KCNMA1: variants seen among roughly 807,000 people sequenced by gnomAD.
KCNMA1 encodes the protein Calcium-activated potassium channel subunit alpha-1.
Under a neutral mutation model 140.0 loss-of-function variants are expected in KCNMA1, and 29 were observed. The observed-to-expected ratio is 0.21, with a 90% CI of 0.15 to 0.28. The LOEUF (loss-of-function observed/expected upper bound fraction) is 0.28, where lower values mean the gene tolerates loss of function less well. Among genes scored for constraint, KCNMA1 ranks in the 10% least tolerant of loss-of-function variants. The pLI is 1.00. For missense variants in KCNMA1, 880 were observed against 1,602.2 expected (o/e 0.55, Z 7.70); for synonymous variants, 612 against 611.9 (o/e 1.00, Z 0.00).
intron 1 of KCNMA1, among the ~76,000 whole-genome samples, chr10:77,570,978 T>C (rs922546549): frequency 3.3e-5 from 5 of 152,102 alleles, no homozygotes; most frequent in African/African-American, 9.7e-5. Flanking sequence ...AGAATTGCTA[T>C]CTTAATGTTG....
intron 2 of KCNMA1, among the ~76,000 whole-genome samples, chr10:77,263,200 T>C (rs1404852780): frequency 6.6e-6 from 1 of 152,086 alleles, no homozygotes; most frequent in African/African-American, 2.4e-5. Context: ...TCTTACCCCC[T>C]AGGATGCTGG....
At chr10:77,617,014 T>C (rs1371560679) in intron 1 of KCNMA1, among the ~76,000 whole-genome samples, 1 of 152,174 alleles carries the variant, frequency 6.6e-6, no homozygotes, top group African/African-American at 2.4e-5. Flanking sequence ...CACTGAACTA[T>C]CTAGAATGAG....
At chr10:77,520,209 G>A (rs1253466787) in intron 1 of KCNMA1, among the ~76,000 whole-genome samples, 1 of 151,838 alleles carries the variant, frequency 6.6e-6, no homozygotes, top group African/African-American at 2.4e-5. Context: ...TGCAGTGTGA[G>A]GTCTGGGGTA....
intron 2 of KCNMA1, among the ~76,000 whole-genome samples, chr10:77,365,955 G>A (rs1246330698): frequency 6.6e-6 from 1 of 152,120 alleles, no homozygotes; most frequent in Admixed American, 6.5e-5. Context: ...CCACACAAAT[G>A]TAGGAAATCC....
chr10:77,249,600 AG>A (rs1428047119), intron 3 of KCNMA1: 1 of 152,222 alleles, frequency 6.6e-6, no homozygotes, highest in Non-Finnish European at 1.5e-5. Flanking sequence ...GGGACATACA[AG>A]CTTCAAGCCC....
chr10:77,580,625 T>C (rs1284024047), intron 1 of KCNMA1, among the ~76,000 whole-genome samples: 2 of 152,166 alleles, frequency 1.3e-5, no homozygotes, highest in African/African-American at 2.4e-5. Flanking sequence ...TCTGGATCCA[T>C]GTGGCCTGTG....
At chr10:77,472,533 C>T (rs985271099) in intron 1 of KCNMA1, among the ~76,000 whole-genome samples, 13 of 151,988 alleles carry the variant, frequency 8.6e-5, no homozygotes, top group Admixed American at 7.9e-4. Context: ...CTGTTTATTT[C>T]CTTGCTTTAA....
chr10:76,922,832 TACA>T (rs1175379626), intron 23 of KCNMA1, among the ~76,000 whole-genome samples: 2 of 152,202 alleles, frequency 1.3e-5, no homozygotes, highest in Non-Finnish European at 2.9e-5. Flanking sequence ...TCCCAACTAG[TACA>T]ACAACTGAGA....
chr10:77,600,378 C>T (rs572509509), intron 1 of KCNMA1, among the ~76,000 whole-genome samples: 1 of 152,302 alleles, frequency 6.6e-6, no homozygotes, highest in East Asian at 1.9e-4. Flanking sequence ...ACATTCCAAG[C>T]ACCTGACATA....
chr10:77,275,024 G>A (rs1183152928), intron 2 of KCNMA1, among the ~76,000 whole-genome samples: 1 of 152,190 alleles, frequency 6.6e-6, no homozygotes, highest in Non-Finnish European at 1.5e-5. Flanking sequence ...AAAGTCCCAG[G>A]CAGATGTGTG....
chr10:76,882,137 C>T (rs1162595194), downstream of KCNMA1, among the ~76,000 whole-genome samples: 1 of 152,212 alleles, frequency 6.6e-6, no homozygotes, highest in Non-Finnish European at 1.5e-5. Context: ...GAGGAAGAAA[C>T]AGGCTGCACT....
intron 1 of KCNMA1, 97 bp downstream of exon 1, chr10:77,637,168 G>A: frequency 7.8e-7 from 1 of 1,280,084 alleles, no homozygotes; most frequent in Non-Finnish European, 1.1e-6. Flanking sequence ...GGGATGGAGG[G>A]AGGCACGGCG....
At chr10:77,260,088 C>A (rs893029664) in intron 2 of KCNMA1, among the ~76,000 whole-genome samples, 4 of 152,106 alleles carry the variant, frequency 2.6e-5, no homozygotes, top group Non-Finnish European at 5.9e-5. Context: ...GATGCAGTTC[C>A]AGGTAATGGC....
chr10:76,978,632 A>T (rs955393750), intron 19 of KCNMA1: 4 of 152,222 alleles, frequency 2.6e-5, no homozygotes, highest in African/African-American at 9.6e-5. Context: ...AATGGAATTT[A>T]TGGAGCCTGT....
chr10:77,084,152 T>C lies in KCNMA1; in HGVS notation c.1523+485A>G, dbSNP rs560907386. Among the ~76,000 whole-genome samples, 432 of 152,218 alleles carry C rather than the reference T, an allele frequency of 2.8e-3. 3 individuals are homozygous for C. Among genetic ancestry groups the C allele is most frequent in the African/African-American group, 0.01 (422 of 41,518 alleles). ...ATTCTCTGTTTTGGGGGCTGACCTG[T>C]GCATTGCAGGGTCGTTCGCAGTGTC... On this transcript the variant is annotated intron_variant, in intron 12 of 27. Transcript: ENST00000286628.
At chr10:76,954,088 C>T (rs2067252589) in intron 20 of KCNMA1, among the ~76,000 whole-genome samples, 164 bp from the exon 21 acceptor site, 1 of 152,138 alleles carries the variant, frequency 6.6e-6, no homozygotes, top group Admixed American at 6.5e-5. Flanking sequence ...GAGACAACTG[C>T]CCCAAACCAC....
intron 10 of KCNMA1, among the ~76,000 whole-genome samples, chr10:77,089,338 A>G (rs1476256881): frequency 6.6e-6 from 1 of 152,172 alleles, no homozygotes; most frequent in Non-Finnish European, 1.5e-5. Flanking sequence ...GCCAGCACAA[A>G]CATGTTAGCT....
chr10:76,978,491 T>C (rs1396553563), intron 19 of KCNMA1: 1 of 152,248 alleles, frequency 6.6e-6, no homozygotes, highest in Non-Finnish European at 1.5e-5. Context: ...TAGTGCTTAA[T>C]AGATACAAGC....
chr10:77,017,302 G>A (rs537615196), intron 17 of KCNMA1, among the ~76,000 whole-genome samples: 1 of 152,318 alleles, frequency 6.6e-6, no homozygotes, highest in South Asian at 2.1e-4. Context: ...TTGGTGCTGA[G>A]ATGCTGTTTC....
Sources: gnomAD v4.1 joint callset for allele counts (sites outside exome capture counted in the v4.1 genomes callset) on GRCh38, gnomAD v4.1.1 for gene constraint, MANE v1.5 for transcripts, NCBI Gene and HGNC (gene_info 2026-07-23, HGNC 2026-07-21) for gene names.